BRAF: variants seen among roughly 807,000 people sequenced by gnomAD.
BRAF encodes serine/threonine-protein kinase B-raf.
A neutral mutation model predicts 104.6 loss-of-function variants in BRAF; 16 were observed. That is an observed-to-expected ratio of 0.15 (90% CI 0.10 to 0.23). The LOEUF is 0.23. BRAF is among the 10% of genes least tolerant of loss of function. The probability of loss-of-function intolerance (pLI) is 1.00; values close to 1 mark genes in which losing one functional copy is unlikely to be tolerated. For missense variants in BRAF, 541 were observed against 937.3 expected, an observed-to-expected ratio of 0.58 and a Z score of 5.52; for synonymous variants, 310 against 341.6, an observed-to-expected ratio of 0.91 and a Z score of 1.02.
chr7:140,831,310 G>C (rs998964982), intron 3 of BRAF, among the ~76,000 whole-genome samples: 2 of 152,162 alleles, frequency 1.3e-5, no homozygotes, highest in Non-Finnish European at 2.9e-5. Flanking sequence ...GGGTACAGAC[G>C]TGAGAAGAAG....
At chr7:140,897,157 C>T (rs1023734789) in intron 1 of BRAF, among the ~76,000 whole-genome samples, 4 of 150,658 alleles carry the variant, frequency 2.7e-5, no homozygotes, top group Non-Finnish European at 4.4e-5. Flanking sequence ...ATATGTTTGC[C>T]GCAAATAAAC....
chr7:140,859,649 AT>A (rs1306918392), intron 1 of BRAF, among the ~76,000 whole-genome samples: 1 of 150,726 alleles, frequency 6.6e-6, no homozygotes, highest in African/African-American at 2.4e-5. Flanking sequence ...TCCAAAAATA[AT>A]TTTTCCCCCA....
intron 14 of BRAF, among the ~76,000 whole-genome samples, chr7:140,768,394 A>C (rs1165498428): frequency 2.0e-5 from 3 of 152,182 alleles, no homozygotes; most frequent in Admixed American, 6.5e-5. Context: ...ACTCATGTGG[A>C]GGCTTGGCCC....
intron 3 of BRAF, among the ~76,000 whole-genome samples, chr7:140,816,248 GTAT>G (rs1804873649): frequency 6.6e-6 from 1 of 152,114 alleles, no homozygotes; most frequent in African/African-American, 2.4e-5. Context: ...TATGTAAAAG[GTAT>G]TATTATTATT....
chr7:140,867,053 GT>G lies in BRAF; in HGVS notation c.139-16842del, dbSNP rs1219997309. ...TCCAGCTTTCAATTCCATTTTCCCTGTGCCATATACTCCAATAACAAGTAGG... is the reference window on the plus strand; with the variant it reads ...TCCAGCTTTCAATTCCATTTTCCCTGGCCATATACTCCAATAACAAGTAGG... On this transcript the variant is annotated intron_variant, in intron 1 of 19. Transcript: ENST00000644969. Among the ~76,000 whole-genome samples, 6 of 151,982 alleles carry G rather than the reference GT, an allele frequency of 3.9e-5. No individual in the cohort carries two copies. In the South Asian group the frequency reaches 6.2e-4, roughly 16 times the overall value.
At chr7:140,744,265 C>CTA (rs1161066587) in intron 17 of BRAF, among the ~76,000 whole-genome samples, 1 of 152,222 alleles carries the variant, frequency 6.6e-6, no homozygotes, top group Non-Finnish European at 1.5e-5. Flanking sequence ...AATAAAAACT[C>CTA]TAGACTCCAA....
intron 8 of BRAF, among the ~76,000 whole-genome samples, chr7:140,792,473 A>C (rs1323238006): frequency 6.6e-6 from 1 of 152,142 alleles, no homozygotes. Context: ...CTTCAATATC[A>C]ACTATTAATT....
At chr7:140,884,612 T>G (rs1246809703) in intron 1 of BRAF, among the ~76,000 whole-genome samples, 2 of 151,960 alleles carry the variant, frequency 1.3e-5, no homozygotes, top group South Asian at 2.1e-4. Context: ...CCCAAGTAAC[T>G]AGGACTACAG....
intron 14 of BRAF, among the ~76,000 whole-genome samples, chr7:140,771,179 T>C (rs1799813665): frequency 6.6e-6 from 1 of 152,140 alleles, no homozygotes; most frequent in Non-Finnish European, 1.5e-5. Flanking sequence ...AAAGTCCTAA[T>C]GATTCAACTT....
chr7:140,736,151 A>G (rs1585939738), intron 18 of BRAF, among the ~76,000 whole-genome samples: 2 of 150,708 alleles, frequency 1.3e-5, no homozygotes, highest in South Asian at 4.2e-4. Flanking sequence ...GCTCACTGCA[A>G]CCTCCGCCTC....
chr7:140,747,942 T>C (rs1044535556), intron 17 of BRAF, among the ~76,000 whole-genome samples: 6 of 152,216 alleles, frequency 3.9e-5, no homozygotes, highest in African/African-American at 4.8e-5. Context: ...CAAAGTCATG[T>C]TGTTACACAC....
At chr7:140,876,631 T>C (rs888489654) in intron 1 of BRAF, among the ~76,000 whole-genome samples, 2 of 152,188 alleles carry the variant, frequency 1.3e-5, no homozygotes, top group African/African-American at 4.8e-5. Context: ...ATGCACCTAA[T>C]AATGGAGCTT....
At chr7:140,850,249 C>G (rs746791470) in intron 1 of BRAF, 37 bp from the exon 2 acceptor site, 5 of 1,448,292 alleles carry the variant, frequency 3.5e-6, no homozygotes, top group Non-Finnish European at 4.8e-6. Flanking sequence ...ATAAAAATCA[C>G]TTAGTATATG....
chr7:140,754,317 A>T, intron 14 of BRAF, 84 bp from the exon 14 acceptor site: 1 of 1,153,138 alleles, frequency 8.7e-7, no homozygotes, highest in South Asian at 1.2e-5. Flanking sequence ...GGGGGTGTAA[A>T]GACTTATTTA....
chr7:140,857,679 C>T (rs1304235424), intron 1 of BRAF, among the ~76,000 whole-genome samples: 1 of 152,094 alleles, frequency 6.6e-6, no homozygotes, highest in African/African-American at 2.4e-5. Context: ...GCCAGCATTA[C>T]AGCATTTCAA....
chr7:140,777,483 T>C (rs1278963624), intron 13 of BRAF, among the ~76,000 whole-genome samples: 1 of 152,016 alleles, frequency 6.6e-6, no homozygotes, highest in Non-Finnish European at 1.5e-5. Flanking sequence ...CTGGAATAAC[T>C]TTTTTTTCCG....
In BRAF at chr7:140,924,336, A is replaced by G. The variant is rs1300944683; in HGVS notation, c.138+230T>C. Among the ~76,000 whole-genome samples, 1 of 151,910 alleles carries G rather than the reference A, an allele frequency of 6.6e-6. No individual in the cohort carries two copies. The highest frequency in any genetic ancestry group is 1.5e-5 in the Non-Finnish European group (1 of 67,950). On this transcript the variant is annotated intron_variant, in intron 1 of 19. Transcript: ENST00000644969. The surrounding 1 kb of genome is among the most constrained non-coding windows in gnomAD (Gnocchi z 4.2). ...CAACCACCGCTGCCCCAATCCCCAC[A>G]TCTGGGGTGGGGGCCAGGGAAACCC...
intron 19 of BRAF, chr7:140,732,040 G>A (rs1399154317): frequency 4.1e-5 from 6 of 147,770 alleles, no homozygotes; most frequent in Admixed American, 1.3e-4. Context: ...GCGTAGTGGC[G>A]GGCGCCTGTA....
At chr7:140,818,666 T>C (rs1805146833) in intron 3 of BRAF, among the ~76,000 whole-genome samples, 1 of 152,178 alleles carries the variant, frequency 6.6e-6, no homozygotes, top group African/African-American at 2.4e-5. Context: ...TTATGAACAA[T>C]ATTTTCTAAA....
Sources: gnomAD v4.1 joint callset for allele counts (sites outside exome capture counted in the v4.1 genomes callset) on GRCh38, gnomAD v4.1.1 for gene constraint, Gnocchi (gnomAD v3.1) non-coding constraint, MANE v1.5 for transcripts, NCBI Gene and HGNC (gene_info 2026-07-23, HGNC 2026-07-21) for gene names.